Variants in SPTLC1 observed in about 807,000 individuals in gnomAD.
The protein encoded by SPTLC1 is serine palmitoyltransferase 1.
A neutral mutation model predicts 68.9 loss-of-function variants in SPTLC1; 55 were observed. That is an observed-to-expected ratio of 0.80 (90% confidence interval 0.64 to 1.00). SPTLC1 has a LOEUF of 1.00. Ranked by LOEUF, SPTLC1 falls within the 50% of genes least tolerant of loss-of-function variation. The probability of loss-of-function intolerance (pLI) is 0.00; values close to 1 mark genes in which losing one functional copy is unlikely to be tolerated. For missense variants in SPTLC1, 449 were observed against 573.1 expected (o/e 0.78, Z 2.21); for synonymous variants, 197 against 201.6 (o/e 0.98, Z 0.19).
At chr9:92,047,568 A>G in intron 10 of SPTLC1, 45 bp downstream of exon 10, 1 of 1,292,104 alleles carries the variant, frequency 7.7e-7, no homozygotes. Flanking sequence ...TGACCAATGG[A>G]GAAATTAGTT....
chr9:92,070,135 T>C (rs1051914854), intron 5 of SPTLC1: 2 of 152,244 alleles, frequency 1.3e-5, no homozygotes, highest in Non-Finnish European at 2.9e-5. Flanking sequence ...GGTTCTAGCA[T>C]AGTCCCAAAA....
intron 9 of SPTLC1, among the ~76,000 whole-genome samples, chr9:92,049,176 C>T (rs140786165): frequency 6.6e-6 from 1 of 152,280 alleles, no homozygotes; most frequent in Non-Finnish European, 1.5e-5. Flanking sequence ...TTCTCTGGGA[C>T]TATATGGTTA....
At chr9:92,073,314 T>C (rs1470106464) in intron 5 of SPTLC1, among the ~76,000 whole-genome samples, 1 of 152,232 alleles carries the variant, frequency 6.6e-6, no homozygotes, top group Non-Finnish European at 1.5e-5. Context: ...CTTTGGACCC[T>C]AGCTCAATCT....
intron 6 of SPTLC1, among the ~76,000 whole-genome samples, chr9:92,060,702 C>T (rs549428517): frequency 1.3e-4 from 19 of 148,016 alleles, no homozygotes; most frequent in African/African-American, 2.0e-4. Flanking sequence ...GTCAGGAGAT[C>T]GAGACCATCC....
chr9:92,064,967 G>A (rs1005533385), intron 6 of SPTLC1, among the ~76,000 whole-genome samples: 1 of 152,244 alleles, frequency 6.6e-6, no homozygotes, highest in African/African-American at 2.4e-5. Context: ...TGGGAGGAAT[G>A]TGGATGTGGC....
rs1285871090 is a variant in SPTLC1, at chr9:92,080,852, G to C, written c.354+18C>G. On this transcript the variant is annotated intron_variant, in intron 4 of 14. Transcript: ENST00000262554. Reference sequence around the variant, plus strand: ...TCAGTAATGTTATCTGTCCACTTCAGCAATATGTGCTACTCACCTTAACCC... The same window carrying C: ...TCAGTAATGTTATCTGTCCACTTCACCAATATGTGCTACTCACCTTAACCC... 1 of 1,574,340 alleles carries C rather than the reference G, an allele frequency of 6.4e-7. No homozygotes were observed. The highest frequency in any genetic ancestry group is 8.7e-7 in the Non-Finnish European group (1 of 1,144,836).
intron 6 of SPTLC1, among the ~76,000 whole-genome samples, chr9:92,066,108 T>C (rs1021934632): frequency 6.6e-6 from 1 of 152,160 alleles, no homozygotes; most frequent in African/African-American, 2.4e-5. Context: ...TTCTAAGTAA[T>C]GGGCTCCCAG....
At chr9:92,083,035 C>T (rs1321289943) in intron 3 of SPTLC1, among the ~76,000 whole-genome samples, 1 of 151,972 alleles carries the variant, frequency 6.6e-6, no homozygotes, top group Non-Finnish European at 1.5e-5. Flanking sequence ...GCATACATGT[C>T]TTCTTTTGAG....
intron 1 of SPTLC1, 39 bp from the exon 2 acceptor site, chr9:92,112,601 C>G (rs750543263): frequency 7.7e-7 from 1 of 1,295,720 alleles, no homozygotes. Flanking sequence ...ATGAAACATA[C>G]ACTTCTAACA....
intron 3 of SPTLC1, chr9:92,104,561 G>T: frequency 6.8e-7 from 1 of 1,466,640 alleles, no homozygotes; most frequent in African/African-American, 1.4e-5. Context: ...CCTCAGCCCC[G>T]TGAGGATCTC....
intron 2 of SPTLC1, chr9:92,110,173 C>G (rs1227803043): frequency 7.2e-5 from 11 of 152,128 alleles, no homozygotes; most frequent in Non-Finnish European, 7.3e-5. Flanking sequence ...GAGTAATTAA[C>G]CTAGCACTAG....
intron 11 of SPTLC1, 160 bp from the exon 12 acceptor site, chr9:92,046,213 G>T: frequency 1.5e-6 from 1 of 685,700 alleles, no homozygotes; most frequent in Non-Finnish European, 2.5e-6. Flanking sequence ...GAAGGCCCAA[G>T]CTTTGTCTCT....
At chr9:92,055,172 G>A (rs1369835982) in intron 8 of SPTLC1, 1 of 932,098 alleles carries the variant, frequency 1.1e-6, no homozygotes, top group Non-Finnish European at 1.3e-6. Context: ...GCTGCAGTGA[G>A]CTGTGTTCAC....
chr9:92,097,526 T>C (rs1306334113), intron 3 of SPTLC1, among the ~76,000 whole-genome samples: 1 of 152,220 alleles, frequency 6.6e-6, no homozygotes, highest in African/African-American at 2.4e-5. Flanking sequence ...CATGCTACAA[T>C]GTGGATGAGT....
intron 12 of SPTLC1, among the ~76,000 whole-genome samples, chr9:92,039,350 T>A (rs1156930039): frequency 1.3e-5 from 2 of 152,178 alleles, no homozygotes; most frequent in Non-Finnish European, 2.9e-5. Flanking sequence ...ATCCTGTATT[T>A]TTAAATTAAA....
intron 13 of SPTLC1, among the ~76,000 whole-genome samples, 162 bp from the exon 14 acceptor site, chr9:92,035,045 T>C (rs577933588): frequency 1.3e-5 from 2 of 152,338 alleles, no homozygotes; most frequent in African/African-American, 4.8e-5. Context: ...TTGGCAGCAC[T>C]GTCCACAGAA....
At chr9:92,099,769 AT>A (rs1409966915) in intron 3 of SPTLC1, among the ~76,000 whole-genome samples, 1 of 152,158 alleles carries the variant, frequency 6.6e-6, no homozygotes, top group African/African-American at 2.4e-5. Context: ...GGCATGAGCC[AT>A]CATGCCTGGC....
intron 5 of SPTLC1, chr9:92,070,105 C>T (rs1291701370): frequency 2.0e-5 from 3 of 152,170 alleles, no homozygotes; most frequent in African/African-American, 7.2e-5. Flanking sequence ...AATCTCTCAA[C>T]AATAAATCAA....
At chr9:92,100,890 C>T (rs927532426) in intron 3 of SPTLC1, among the ~76,000 whole-genome samples, 1 of 151,826 alleles carries the variant, frequency 6.6e-6, no homozygotes, top group Admixed American at 6.6e-5. Context: ...CTACTGTGTC[C>T]TCCTAGAACT....
Sources: gnomAD v4.1 joint callset for allele counts (sites outside exome capture counted in the v4.1 genomes callset) on GRCh38, gnomAD v4.1.1 for gene constraint, MANE v1.5 for transcripts, NCBI Gene and HGNC (gene_info 2026-07-23, HGNC 2026-07-21) for gene names.